Variants in ZMYM3 observed in about 807,000 individuals in gnomAD.
ZMYM3 encodes the protein zinc finger MYM-type protein 3.
Under a neutral mutation model 94.2 loss-of-function variants are expected in ZMYM3, and 6 were observed. That is an observed-to-expected ratio of 0.06 (90% confidence interval 0.03 to 0.13). The LOEUF (loss-of-function observed/expected upper bound fraction) is 0.13. Among genes scored for constraint, ZMYM3 ranks in the 10% least tolerant of loss-of-function variants. The pLI, the probability that ZMYM3 is intolerant of heterozygous loss-of-function variation, is 1.00. For synonymous variants in ZMYM3, 420 were observed against 426.5 expected (o/e 0.98, Z 0.19); for missense variants, 664 against 1,132.6 (o/e 0.59, Z 5.94).
rs923332577 is a variant in ZMYM3, at chrX:71,239,768, C to G, written c.*1148G>C. 8.9e-6 allele frequency: 1 copy of G among 112,944 alleles called. No homozygotes were observed. Among genetic ancestry groups the G allele is most frequent in the Non-Finnish European group, 1.9e-5 (1 of 53,345 alleles). The allele number at this position is 112,944 out of a possible 1,213,427, so 9.3% of individuals were successfully genotyped here. ...CTCAGAACAATATATACAATTTAAA[C>G]AGTGGCTAACTGGTGACAGTTATAA... On this transcript the variant is annotated 3_prime_UTR_variant, in exon 25 of 25. Coordinates refer to ENST00000314425, the MANE Select transcript of ZMYM3 (RefSeq NM_201599.3).
At position 71,240,364 on chromosome X, in the gene ZMYM3, G is replaced by C. The variant is rs923394750; in HGVS notation, c.*552C>G. 1 of 112,350 alleles carries C rather than the reference G, an allele frequency of 8.9e-6. No individual in the cohort carries two copies. The allele number at this position is 112,350 out of a possible 1,213,427, so 9.3% of individuals were successfully genotyped here. On this transcript the variant is annotated 3_prime_UTR_variant, in exon 25 of 25. Transcript: ENST00000314425. ...GTGCCAACAACCAATTATTTCATAG[G>C]AGGGGAAGAGTGTCTAAGCTCTGTG...
chrX:71,243,618 TCA>T, intron 21 of ZMYM3: 2 of 411,009 alleles, frequency 4.9e-6, no homozygotes, highest in Non-Finnish European at 8.2e-6. Flanking sequence ...CTTTTTTTTT[TCA>T]TTAAAAAAAT....
At chrX:71,249,828 T>A (rs929402175) in intron 6 of ZMYM3, 149 bp from the exon 7 acceptor site, 41 of 1,075,767 alleles carry the variant, frequency 3.8e-5, no homozygotes, top group Non-Finnish European at 4.8e-5. Context: ...GCCGACTTGA[T>A]GGTGAGGTCC....
intron 20 of ZMYM3, 57 bp downstream of exon 20, chrX:71,244,245 T>G: frequency 5.3e-6 from 6 of 1,121,564 alleles, no homozygotes; most frequent in Non-Finnish European, 7.3e-6. Context: ...CCTTCTCCCC[T>G]TTCCCCTCCT....
upstream of ZMYM3, chrX:71,254,692 C>T (rs1325558287): frequency 9.1e-6 from 1 of 109,715 alleles, no homozygotes; most frequent in African/African-American, 3.3e-5. Flanking sequence ...CCAAGATTAC[C>T]CTCCCCCATC....
At chrX:71,246,237 C>T in intron 15 of ZMYM3, 116 bp downstream of exon 15, 1 of 1,095,952 alleles carries the variant, frequency 9.1e-7, no homozygotes, top group Non-Finnish European at 1.2e-6. Flanking sequence ...TCTAGGACAA[C>T]CATATGAATG....
chrX:71,252,302 G>A (rs761529353), intron 2 of ZMYM3, among the ~76,000 whole-genome samples: 4 of 110,527 alleles, frequency 3.6e-5, no homozygotes, highest in Non-Finnish European at 7.6e-5. Context: ...AAGCCCACTG[G>A]GGTAGGAAAA....
chrX:71,248,722 G>A lies in ZMYM3; in HGVS notation c.1701C>T (p.Tyr567=). 8.3e-7 allele frequency: 1 copy of A among 1,207,983 alleles called. No homozygotes were observed. Among genetic ancestry groups the A allele is most frequent in the Non-Finnish European group, 1.1e-6 (1 of 893,718 alleles). ...CYYNKVDRTV[Y]QFCSPSCWTK... ...TCCAGCAGCTGGGGCTGCAGAACTGGTAGACTGTGCGGTCAACCTTGTTGT... is the reference window on the plus strand; with the variant it reads ...TCCAGCAGCTGGGGCTGCAGAACTGATAGACTGTGCGGTCAACCTTGTTGT... Residue 567 remains tyrosine (Y), a synonymous_variant, in exon 9 of 25, where the codon TAC becomes TAT. Coordinates refer to ENST00000314425, the MANE Select transcript of ZMYM3 (RefSeq NM_201599.3).
intron 22 of ZMYM3, 95 bp downstream of exon 22, chrX:71,242,875 T>TA: frequency 1.2e-6 from 1 of 860,671 alleles, no homozygotes; most frequent in South Asian, 2.3e-5. Context: ...GGGCCCTTTG[T>TA]GAAGAGTGGC....
chrX:71,254,841 GAGTC>G (rs2030679248), upstream of ZMYM3: 1 of 111,525 alleles, frequency 9.0e-6, no homozygotes, highest in Non-Finnish European at 1.9e-5. Context: ...AACAGTCTGA[GAGTC>G]AGAGTTATGG....
upstream of ZMYM3, chrX:71,255,084 ATCTCTCTCTCTCTCTCTCTC>A (rs61261611): frequency 0.016 from 337 of 20,828 alleles, 2 homozygotes; most frequent in African/African-American, 0.031. Context: ...ACCAGGGCTG[ATCTCTCTCTCTCTCTCTCTC>A]TCTCTCTCTC....
rs1156859103 is a variant in ZMYM3 at position 71,249,527 on chromosome X, C to G, written c.1404G>C (p.Glu468Asp). ...TTTGTTGGCCCTCGTGGAAGAGGAG[C>G]TCAGGGCCAGGACTCCCGGTCTTGG... ...IYTKTGSPGP[E>D]LLFHEGQQKR... Residue 468 changes from glutamate (E) to aspartate (D), a missense_variant, in exon 7 of 25, where the codon GAG (glutamate) becomes GAC (aspartate). Coordinates refer to ENST00000314425, the MANE Select transcript of ZMYM3 (RefSeq NM_201599.3). 6.6e-6 allele frequency: 8 copies of G among 1,203,866 alleles called. No homozygotes were observed. Among genetic ancestry groups the G allele is most frequent in the Non-Finnish European group, 7.8e-6 (7 of 892,210 alleles).
chrX:71,247,572 C>T, intron 12 of ZMYM3, 62 bp from the exon 13 acceptor site: 3 of 1,167,375 alleles, frequency 2.6e-6, no homozygotes, highest in Non-Finnish European at 3.4e-6. Flanking sequence ...CCTTTCTTTC[C>T]CCCGGGATAA....
intron 10 of ZMYM3, 53 bp from the exon 11 acceptor site, chrX:71,248,365 A>C: frequency 2.5e-6 from 3 of 1,188,510 alleles, no homozygotes; most frequent in Non-Finnish European, 3.4e-6. Context: ...TGGCCCCAGC[A>C]GGGGCCAAGT....
chrX:71,241,184 G>A (rs768309731), intron 24 of ZMYM3, 43 bp downstream of exon 24: 3 of 1,181,683 alleles, frequency 2.5e-6, no homozygotes, highest in East Asian at 3.0e-5. Flanking sequence ...TAGATCCCTC[G>A]GGTCCCCATG....
chrX:71,255,087 T>C (rs886217016), upstream of ZMYM3: 11 of 8,060 alleles, frequency 1.4e-3, no homozygotes, highest in Admixed American at 7.6e-3. Context: ...AGGGCTGATC[T>C]CTCTCTCTCT....
At chrX:71,244,994 C>G (rs2030099735) in intron 18 of ZMYM3, 101 bp from the exon 19 acceptor site, 1 of 678,823 alleles carries the variant, frequency 1.5e-6, no homozygotes, top group African/African-American at 2.2e-5. Flanking sequence ...ACTAGATGAG[C>G]CAAAGGAACC....
intron 3 of ZMYM3, 90 bp from the exon 4 acceptor site, chrX:71,251,334 A>C: frequency 3.3e-6 from 2 of 600,867 alleles, no homozygotes; most frequent in Non-Finnish European, 5.1e-6. Flanking sequence ...AGAAGATGGG[A>C]GGGGGAAGGG....
chrX:71,246,762 G>A lies in ZMYM3; in HGVS notation c.2315-70C>T, dbSNP rs887351731. On this transcript the variant is annotated intron_variant, in intron 13 of 24. Coordinates refer to ENST00000314425, the MANE Select transcript of ZMYM3 (RefSeq NM_201599.3). ...CTCCATTTTCCTTACCCCTGTTCCA[G>A]GAGAGCTTCATTAACAGGTACACCA... is the stretch of plus-strand genomic sequence containing the variant. The A allele has an allele frequency of 6.6e-4, 673 of 1,025,742 alleles. No individual in the cohort carries two copies. The Middle Eastern group carries it at 6.8e-3, about 10-fold the overall frequency. The allele number at this position is 1,025,742 out of a possible 1,213,427, so 84.5% of individuals were successfully genotyped here. A position where few individuals can be genotyped will look rare whatever the true frequency, so the allele number is the denominator to read the frequency against.
Sources: gnomAD v4.1 joint callset for allele counts (sites outside exome capture counted in the v4.1 genomes callset) on GRCh38, gnomAD v4.1.1 for gene constraint, MANE v1.5 for transcripts, NCBI Gene and HGNC (gene_info 2026-07-23, HGNC 2026-07-21) for gene names.